UNC13C: variants seen among roughly 807,000 people sequenced by gnomAD.
The protein encoded by UNC13C is unc-13 homolog C.
In UNC13C, 174 loss-of-function variants were observed where a neutral mutation model predicts 245.4. The observed-to-expected ratio is 0.71, with a 90% CI of 0.63 to 0.80. The LOEUF (loss-of-function observed/expected upper bound fraction) is 0.80. UNC13C is among the 30% of genes least tolerant of loss of function. The probability of loss-of-function intolerance (pLI) is 0.00; values close to 1 mark genes in which losing one functional copy is unlikely to be tolerated. For missense variants in UNC13C, 2,829 were observed against 2,602.9 expected, an observed-to-expected ratio of 1.09 and a Z score of -1.89; for synonymous variants, 992 against 895.1, an observed-to-expected ratio of 1.11 and a Z score of -1.93.
the UNC13C span, among the ~76,000 whole-genome samples, chr15:53,960,439 G>A: frequency 6.7e-5 from 10 of 149,814 alleles, no homozygotes; most frequent in Non-Finnish European, 1.0e-4. Flanking sequence ...TCTTTGTCTT[G>A]TTCAAAGTTT....
chr15:54,185,743 G>T (rs4776212), intron 4 of UNC13C, among the ~76,000 whole-genome samples: 14,991 of 150,138 alleles, frequency 0.1, 1,052 homozygotes, highest in Middle Eastern at 0.19. Flanking sequence ...AGGATTGACT[G>T]GGCAATGCGG....
the UNC13C span, among the ~76,000 whole-genome samples, chr15:53,863,411 C>T: frequency 6.6e-6 from 1 of 152,158 alleles, no homozygotes; most frequent in Non-Finnish European, 1.5e-5. Flanking sequence ...TAAAGATCAA[C>T]TTTGTGATAC....
chr15:54,605,723 G>T (rs981845568), intron 30 of UNC13C, among the ~76,000 whole-genome samples: 1 of 152,180 alleles, frequency 6.6e-6, no homozygotes, highest in Non-Finnish European at 1.5e-5. Flanking sequence ...AGTCAGTCCT[G>T]GATTCAGTCA....
chr15:53,956,694 T>C, the UNC13C span, among the ~76,000 whole-genome samples: 1 of 151,086 alleles, frequency 6.6e-6, no homozygotes, highest in African/African-American at 2.4e-5. Context: ...CAAAGGAAAC[T>C]CTAAGCAGGG....
At chr15:54,603,636 C>A (rs1471810302) in intron 30 of UNC13C, among the ~76,000 whole-genome samples, 1 of 152,098 alleles carries the variant, frequency 6.6e-6, no homozygotes, top group Non-Finnish European at 1.5e-5. Flanking sequence ...CCAAGGCAGG[C>A]AGATCACTTG....
chr15:54,035,607 C>A (rs934413018), intron 2 of UNC13C, among the ~76,000 whole-genome samples: 1 of 152,130 alleles, frequency 6.6e-6, no homozygotes, highest in Non-Finnish European at 1.5e-5. Context: ...ACCTTTGTCA[C>A]TGTGGAGGTG....
chr15:54,369,908 C>G (rs967097359), intron 17 of UNC13C, among the ~76,000 whole-genome samples: 1 of 152,006 alleles, frequency 6.6e-6, no homozygotes, highest in Admixed American at 6.6e-5. Context: ...GTATTAGAAT[C>G]TCTGGTTAGT....
At chr15:54,616,173 C>T (rs1283591509) in intron 30 of UNC13C, among the ~76,000 whole-genome samples, 1 of 151,998 alleles carries the variant, frequency 6.6e-6, no homozygotes, top group Non-Finnish European at 1.5e-5. Flanking sequence ...GCCATGGAGA[C>T]TCACTTAATA....
At chr15:54,501,171 T>C (rs1405152396) in intron 22 of UNC13C, among the ~76,000 whole-genome samples, 193 bp downstream of exon 22, 6 of 152,176 alleles carry the variant, frequency 3.9e-5, no homozygotes, top group Admixed American at 3.3e-4. Context: ...GGATTTATCA[T>C]CTTAAAAACC....
At chr15:54,177,968 C>T (rs976436212) in intron 4 of UNC13C, among the ~76,000 whole-genome samples, 6 of 152,026 alleles carry the variant, frequency 3.9e-5, no homozygotes, top group African/African-American at 1.4e-4. Context: ...TATGATCACA[C>T]AGGAATTTAT....
chr15:54,020,698 G>T (rs1163890629), intron 2 of UNC13C, among the ~76,000 whole-genome samples: 2 of 152,114 alleles, frequency 1.3e-5, no homozygotes, highest in African/African-American at 4.8e-5. Context: ...GAGCAATAAA[G>T]ATGTATTCCT....
the UNC13C span, among the ~76,000 whole-genome samples, chr15:53,875,120 A>C: frequency 6.6e-6 from 1 of 152,160 alleles, no homozygotes; most frequent in African/African-American, 2.4e-5. Context: ...TCTTATATGC[A>C]TGTGACTTTC....
chr15:54,610,244 CT>C (rs367760262), intron 30 of UNC13C, among the ~76,000 whole-genome samples: 1 of 151,092 alleles, frequency 6.6e-6, no homozygotes, highest in Admixed American at 6.6e-5. Context: ...TTGTCTTTAG[CT>C]TTTTTTTTGA....
chr15:54,287,961 G>C (rs141378073), intron 10 of UNC13C, among the ~76,000 whole-genome samples: 1 of 152,072 alleles, frequency 6.6e-6, no homozygotes, highest in African/African-American at 2.4e-5. Flanking sequence ...TGAAGTCCAG[G>C]ATCTTTCTGT....
intron 29 of UNC13C, among the ~76,000 whole-genome samples, chr15:54,564,565 C>T (rs879294284): frequency 4.6e-5 from 7 of 152,014 alleles, no homozygotes; most frequent in Non-Finnish European, 8.8e-5. Flanking sequence ...TCCTATGAAG[C>T]TTTCTAGGCC....
chr15:54,194,478 G>C (rs1184262889), intron 4 of UNC13C, among the ~76,000 whole-genome samples: 3 of 152,108 alleles, frequency 2.0e-5, no homozygotes, highest in Non-Finnish European at 4.4e-5. Context: ...AATATTAAAA[G>C]ACAGTGTTAA....
chr15:54,081,542 C>A (rs1192001348), intron 2 of UNC13C, among the ~76,000 whole-genome samples: 1 of 151,842 alleles, frequency 6.6e-6, no homozygotes, highest in Non-Finnish European at 1.5e-5. Flanking sequence ...TTATATAATA[C>A]TCTTTTATTT....
At chr15:54,601,275 G>C (rs1899402574) in intron 30 of UNC13C, among the ~76,000 whole-genome samples, 2 of 152,222 alleles carry the variant, frequency 1.3e-5, no homozygotes, top group African/African-American at 4.8e-5. Flanking sequence ...AGGGAATCCA[G>C]AGGGTAATAG....
intron 30 of UNC13C, among the ~76,000 whole-genome samples, chr15:54,610,236 G>A (rs891992797): frequency 2.0e-5 from 3 of 152,080 alleles, no homozygotes; most frequent in African/African-American, 2.4e-5. Context: ...CATATCGGTT[G>A]TCTTTAGCTT....
Sources: allele counts gnomAD v4.1 joint callset (sites outside exome capture counted in the v4.1 genomes callset), GRCh38; gene constraint gnomAD v4.1.1; transcripts MANE v1.5; gene names NCBI Gene and HGNC (gene_info 2026-07-23, HGNC 2026-07-21).